Variants in CNTN4 observed in about 807,000 individuals in gnomAD.
CNTN4 encodes the protein contactin-4.
In CNTN4, 77 loss-of-function variants were observed where a neutral mutation model predicts 122.5. The observed-to-expected ratio is 0.63, with a 90% CI of 0.52 to 0.76. The LOEUF is 0.76. CNTN4 is among the 30% of genes least tolerant of loss of function. The pLI is 0.00. For missense variants in CNTN4, 1,256 were observed against 1,259.1 expected (o/e 1.00, Z 0.04); for synonymous variants, 512 against 447.0 (o/e 1.15, Z -1.83).
At chr3:2,175,293 T>C (rs1448687621) in intron 2 of CNTN4, among the ~76,000 whole-genome samples, 1 of 152,042 alleles carries the variant, frequency 6.6e-6, no homozygotes, top group Admixed American at 6.6e-5. Flanking sequence ...TAGGATTCCC[T>C]GTCTAGAATA....
intron 2 of CNTN4, among the ~76,000 whole-genome samples, chr3:2,302,344 C>G (rs917103258): frequency 6.6e-6 from 1 of 152,178 alleles, no homozygotes; most frequent in African/African-American, 2.4e-5. Flanking sequence ...AGGAGAATCA[C>G]TTGAACCCAG....
chr3:2,529,662 T>C (rs2077525342), intron 3 of CNTN4, among the ~76,000 whole-genome samples: 1 of 152,144 alleles, frequency 6.6e-6, no homozygotes, highest in Non-Finnish European at 1.5e-5. Context: ...GATATGCCTT[T>C]TTTCACAGGT....
In CNTN4 at chr3:3,006,313, G is replaced by A. The variant is rs187644399; in HGVS notation, c.1486+17841G>A. On this transcript the variant is annotated intron_variant, in intron 14 of 24. Transcript: ENST00000418658. The stretch of plus-strand genomic sequence containing the variant: ...CACGTATACTCATAGTCTTTGACAC[G>A]TCTGGCCCATATTAGGTGCTCTGTA... Among the ~76,000 whole-genome samples, 195 of 152,266 alleles carry A rather than the reference G, an allele frequency of 1.3e-3. 3 individuals are homozygous for A. Among genetic ancestry groups the A allele is most frequent in the African/African-American group, 4.1e-3 (170 of 41,534 alleles).
intron 4 of CNTN4, among the ~76,000 whole-genome samples, chr3:2,586,633 C>G (rs1287950265): frequency 6.6e-6 from 1 of 152,218 alleles, no homozygotes; most frequent in Non-Finnish European, 1.5e-5. Context: ...TGCGGAAACT[C>G]AAACCATTTG....
intron 4 of CNTN4, among the ~76,000 whole-genome samples, chr3:2,634,717 G>A (rs530506670): frequency 7.7e-4 from 116 of 150,822 alleles, no homozygotes; most frequent in Middle Eastern, 3.4e-3. Context: ...TTAGCTGGGC[G>A]TGGTGGCATG....
At chr3:2,110,899 T>C (rs2032900418) in intron 2 of CNTN4, among the ~76,000 whole-genome samples, 1 of 152,182 alleles carries the variant, frequency 6.6e-6, no homozygotes, top group Non-Finnish European at 1.5e-5. Flanking sequence ...GTGACATGTA[T>C]TTGTGATATG....
At position 2,445,023 on chromosome 3, in the gene CNTN4, C is replaced by T. The variant is rs558807212; in HGVS notation, c.-89+105790C>T. ...GTAAAAAAAAAAAAAATCTATCTCT[C>T]TATCTATCTATCTATCTATCTGATT... is the stretch of plus-strand genomic sequence containing the variant. On this transcript the variant is annotated intron_variant, in intron 3 of 24. Coordinates refer to ENST00000418658, the MANE Select transcript of CNTN4 (RefSeq NM_175607.3). 5.3e-5 allele frequency among the ~76,000 whole-genome samples: 8 copies of T among 150,374 alleles called. No individual in the cohort carries two copies. In the East Asian group the frequency reaches 5.8e-4, roughly 11 times the overall value.
chr3:2,182,665 T>C (rs2037069343), intron 2 of CNTN4, among the ~76,000 whole-genome samples: 1 of 152,298 alleles, frequency 6.6e-6, no homozygotes, highest in South Asian at 2.1e-4. Flanking sequence ...CCATGGGCTA[T>C]ATGACTCATT....
At position 2,729,787 on chromosome 3, in the gene CNTN4, G is replaced by A. The variant is rs556366162; in HGVS notation, c.56-6428G>A. On this transcript the variant is annotated intron_variant, in intron 4 of 24. Transcript: ENST00000418658. ...AAATTAGCCAGGTGTGTTGGCACGC[G>A]CCTGTAATACCAGCTACTAAGAAGG... Among the ~76,000 whole-genome samples the A allele has an allele frequency of 5.9e-5, 9 of 151,636 alleles. No homozygotes were observed. In the East Asian group the frequency reaches 9.8e-4, roughly 17 times the overall value.
chr3:2,150,569 C>T (rs1440360758), intron 2 of CNTN4, among the ~76,000 whole-genome samples: 2 of 152,182 alleles, frequency 1.3e-5, no homozygotes, highest in Non-Finnish European at 2.9e-5. Context: ...GTAGCAGCTA[C>T]TTCAAAGCTA....
At chr3:2,665,486 G>C (rs761896920) in intron 4 of CNTN4, among the ~76,000 whole-genome samples, 13 of 152,184 alleles carry the variant, frequency 8.5e-5, no homozygotes, top group Non-Finnish European at 5.9e-5. Flanking sequence ...CTCAGAATTA[G>C]TATCTCTGGA....
At chr3:2,889,215 C>T (rs1577166921) in intron 10 of CNTN4, among the ~76,000 whole-genome samples, 1 of 152,156 alleles carries the variant, frequency 6.6e-6, no homozygotes. Context: ...TTTGGACTCA[C>T]GTTCCCCTGA....
intron 2 of CNTN4, among the ~76,000 whole-genome samples, chr3:2,280,343 C>T (rs370385672): frequency 1.3e-5 from 2 of 152,116 alleles, no homozygotes. Flanking sequence ...ATTGTGATTG[C>T]TTGAAAGGTG....
intron 10 of CNTN4, among the ~76,000 whole-genome samples, chr3:2,889,720 A>G (rs566285537): frequency 4.6e-5 from 7 of 152,202 alleles, no homozygotes; most frequent in African/African-American, 1.7e-4. Context: ...TAACTAATTG[A>G]ATAAAGTCAT....
At chr3:2,686,861 A>C (rs963133370) in intron 4 of CNTN4, among the ~76,000 whole-genome samples, 1 of 152,150 alleles carries the variant, frequency 6.6e-6, no homozygotes, top group Admixed American at 6.5e-5. Flanking sequence ...TTGAATTCCT[A>C]CCTGCTGTGG....
chr3:2,759,393 C>T (rs371764598), intron 6 of CNTN4, among the ~76,000 whole-genome samples: 1 of 151,950 alleles, frequency 6.6e-6, no homozygotes, highest in Non-Finnish European at 1.5e-5. Flanking sequence ...GTGATCTGCC[C>T]GCCTCGGCCT....
At chr3:2,746,062 A>G (rs2089741684) in intron 6 of CNTN4, among the ~76,000 whole-genome samples, 1 of 152,184 alleles carries the variant, frequency 6.6e-6, no homozygotes, top group Non-Finnish European at 1.5e-5. Context: ...TAGAATGTGT[A>G]TAAGCAAGCA....
intron 4 of CNTN4, among the ~76,000 whole-genome samples, chr3:2,604,274 G>T (rs76826161): frequency 0.011 from 1,605 of 152,206 alleles, 30 homozygotes; most frequent in African/African-American, 0.037. Flanking sequence ...GGATTTCCCT[G>T]ACTTGATGCC....
chr3:2,790,077 ACTT>A (rs1486701017), intron 6 of CNTN4, among the ~76,000 whole-genome samples: 1 of 152,210 alleles, frequency 6.6e-6, no homozygotes, highest in Non-Finnish European at 1.5e-5. Context: ...GCATAATTTC[ACTT>A]CTTATTTAGG....
Sources: gnomAD v4.1 joint callset for allele counts (sites outside exome capture counted in the v4.1 genomes callset) on GRCh38, gnomAD v4.1.1 for gene constraint, MANE v1.5 for transcripts, NCBI Gene and HGNC (gene_info 2026-07-23, HGNC 2026-07-21) for gene names.